The following LHFPL6 variants were observed in gnomAD, a reference collection of about 807,000 sequenced individuals.
LHFPL6 encodes the protein LHFPL tetraspan subfamily member 6 protein.
LHFPL6 carries 9 observed loss-of-function variants against 20.6 expected under a neutral mutation model. The ratio of observed to expected loss-of-function variants is 0.44; its 90% CI spans 0.26 to 0.76. The LOEUF (loss-of-function observed/expected upper bound fraction) is 0.76, where lower values mean the gene tolerates loss of function less well. Ranked by LOEUF, LHFPL6 falls within the 30% of genes least tolerant of loss-of-function variation. LHFPL6 has a pLI of 0.20. For missense variants in LHFPL6, 218 were observed against 253.5 expected (o/e 0.86, Z 0.95); for synonymous variants, 105 against 98.7 (o/e 1.06, Z -0.38).
At chr13:39,369,842 A>G (rs1044598872) in intron 3 of LHFPL6, among the ~76,000 whole-genome samples, 6 of 152,072 alleles carry the variant, frequency 3.9e-5, no homozygotes, top group East Asian at 1.9e-4. Context: ...GAAAAATCCT[A>G]TCCCACAGGT....
intron 2 of LHFPL6, among the ~76,000 whole-genome samples, chr13:39,500,821 T>A (rs142739813): frequency 1.3e-5 from 2 of 152,188 alleles, no homozygotes; most frequent in Admixed American, 1.3e-4. Flanking sequence ...GTATTTCACA[T>A]AGTATTAAAC....
At chr13:39,596,444 G>T (rs949463710) in intron 2 of LHFPL6, among the ~76,000 whole-genome samples, 2 of 152,128 alleles carry the variant, frequency 1.3e-5, no homozygotes, top group African/African-American at 2.4e-5. Flanking sequence ...AAACATGTTA[G>T]ACGTGCAAAC....
At chr13:39,548,796 T>G (rs1871057529) in intron 2 of LHFPL6, among the ~76,000 whole-genome samples, 1 of 152,044 alleles carries the variant, frequency 6.6e-6, no homozygotes, top group Non-Finnish European at 1.5e-5. Flanking sequence ...GAACACCTTG[T>G]TGTTCTAGAA....
intron 3 of LHFPL6, among the ~76,000 whole-genome samples, chr13:39,363,930 C>T (rs1025529338): frequency 6.6e-6 from 1 of 152,198 alleles, no homozygotes; most frequent in African/African-American, 2.4e-5. Flanking sequence ...TGGAGATACA[C>T]TCTGCTAATG....
At chr13:39,362,952 G>C (rs1023664232) in intron 3 of LHFPL6, among the ~76,000 whole-genome samples, 1 of 152,184 alleles carries the variant, frequency 6.6e-6, no homozygotes, top group East Asian at 1.9e-4. Flanking sequence ...AGAGGATGAG[G>C]GAAACACATC....
chr13:39,465,384 T>C (rs1872779150), intron 2 of LHFPL6, among the ~76,000 whole-genome samples: 5 of 152,166 alleles, frequency 3.3e-5, no homozygotes, highest in Admixed American at 2.6e-4. Context: ...AATTCTAGGC[T>C]CTTGCCTGTC....
chr13:39,366,891 G>A (rs1224530380), intron 3 of LHFPL6, among the ~76,000 whole-genome samples: 3 of 152,172 alleles, frequency 2.0e-5, no homozygotes, highest in African/African-American at 7.2e-5. Context: ...TTACCCCAGA[G>A]AAAGGCATTA....
intron 2 of LHFPL6, among the ~76,000 whole-genome samples, chr13:39,513,148 G>A (rs965608462): frequency 1.8e-4 from 27 of 152,070 alleles, no homozygotes; most frequent in Non-Finnish European, 3.1e-4. Context: ...TGTTGTGAGA[G>A]GTTTTGTCCT....
chr13:39,539,846 C>A (rs1340470584), intron 2 of LHFPL6, among the ~76,000 whole-genome samples: 1 of 152,158 alleles, frequency 6.6e-6, no homozygotes, highest in Admixed American at 6.5e-5. Context: ...GTTCAGACTG[C>A]CTATTAAAAG....
intron 2 of LHFPL6, among the ~76,000 whole-genome samples, chr13:39,490,080 G>A (rs1868866380): frequency 9.5e-6 from 1 of 105,074 alleles, no homozygotes; most frequent in Admixed American, 1.0e-4. Context: ...AGTAATAACA[G>A]ATTAAACAAA....
intron 2 of LHFPL6, among the ~76,000 whole-genome samples, chr13:39,600,469 G>A (rs1324300079): frequency 2.0e-5 from 3 of 152,104 alleles, no homozygotes; most frequent in Non-Finnish European, 2.9e-5. Flanking sequence ...TTAAAGACCC[G>A]AGGATTCCAT....
chr13:39,540,287 T>C (rs1870757768), intron 2 of LHFPL6, among the ~76,000 whole-genome samples: 3 of 152,300 alleles, frequency 2.0e-5, no homozygotes, highest in Non-Finnish European at 2.9e-5. Context: ...TATTAGAGTC[T>C]TCTAATTATT....
intron 2 of LHFPL6, among the ~76,000 whole-genome samples, chr13:39,431,725 G>T (rs1428008380): frequency 6.9e-6 from 1 of 145,650 alleles, no homozygotes; most frequent in Non-Finnish European, 1.5e-5. Flanking sequence ...TGTGGGGGGG[G>T]GGGGCTTCCT....
chr13:39,449,292 C>G (rs898027730), intron 2 of LHFPL6, among the ~76,000 whole-genome samples: 1 of 152,114 alleles, frequency 6.6e-6, no homozygotes, highest in Non-Finnish European at 1.5e-5. Context: ...AGAATTAACA[C>G]CTGATTCTAA....
intron 2 of LHFPL6, among the ~76,000 whole-genome samples, chr13:39,426,004 A>G (rs114655595): frequency 0.018 from 2,764 of 152,164 alleles, 79 homozygotes; most frequent in African/African-American, 0.063. Context: ...ATGGTGGTAA[A>G]AAATATATAT....
intron 2 of LHFPL6, among the ~76,000 whole-genome samples, chr13:39,570,797 A>G (rs1332035469): frequency 6.6e-6 from 1 of 152,158 alleles, no homozygotes; most frequent in Non-Finnish European, 1.5e-5. Flanking sequence ...GTGTGTGTGC[A>G]TGGGCATGCC....
At chr13:39,585,482 A>G (rs1872422044) in intron 2 of LHFPL6, among the ~76,000 whole-genome samples, 1 of 152,140 alleles carries the variant, frequency 6.6e-6, no homozygotes, top group Non-Finnish European at 1.5e-5. Flanking sequence ...TATTTGCTTT[A>G]CTCTAATACG....
chr13:39,539,821 T>C (rs1274955487), intron 2 of LHFPL6, among the ~76,000 whole-genome samples: 1 of 152,234 alleles, frequency 6.6e-6, no homozygotes, highest in Non-Finnish European at 1.5e-5. Context: ...GAGGATTAAT[T>C]AAGTTGCCCC....
intron 2 of LHFPL6, among the ~76,000 whole-genome samples, chr13:39,420,519 A>C (rs116797529): frequency 6.6e-6 from 1 of 152,346 alleles, no homozygotes; most frequent in African/African-American, 2.4e-5. Flanking sequence ...TTTAAAATAC[A>C]TGAGTATAAC....
Sources: gnomAD v4.1 joint callset for allele counts (sites outside exome capture counted in the v4.1 genomes callset) on GRCh38, gnomAD v4.1.1 for gene constraint, MANE v1.5 for transcripts, NCBI Gene and HGNC (gene_info 2026-07-23, HGNC 2026-07-21) for gene names.